RIGI: variants seen among roughly 807,000 people sequenced by gnomAD.
RIGI encodes the protein RNA sensor RIG-I, also known as antiviral innate immune response receptor RIG-I.
At chr9:32,525,386 A>T in the RIGI span, among the ~76,000 whole-genome samples, 1 of 152,142 alleles carries the variant, frequency 6.6e-6, no homozygotes, top group East Asian at 1.9e-4. Flanking sequence ...GGCCTCATCG[A>T]TATCTTTTAA....
At chr9:32,488,982 G>A in the RIGI span, 1 of 959,194 alleles carries the variant, frequency 1.0e-6, no homozygotes, top group Non-Finnish European at 1.5e-6. Context: ...ATACCACTGA[G>A]CTGACTAATT....
At chr9:32,489,318 T>C in the RIGI span, 96 of 1,518,070 alleles carry the variant, frequency 6.3e-5, no homozygotes, top group Middle Eastern at 1.8e-4. Flanking sequence ...ACAGAAAAAC[T>C]ATGTAAGTAA....
the RIGI span, chr9:32,485,609 C>T: frequency 2.2e-5 from 9 of 405,068 alleles, no homozygotes; most frequent in African/African-American, 4.4e-5. Flanking sequence ...GGCGCGATCT[C>T]GGCTCACTGC....
the RIGI span, among the ~76,000 whole-genome samples, chr9:32,499,662 T>C: frequency 6.6e-6 from 1 of 152,018 alleles, no homozygotes; most frequent in African/African-American, 2.4e-5. Context: ...TGCCAAGTTG[T>C]CCAGGCTGTT....
chr9:32,517,345 AAGGT>A, the RIGI span, among the ~76,000 whole-genome samples: 3 of 152,362 alleles, frequency 2.0e-5, no homozygotes, highest in East Asian at 5.8e-4. Flanking sequence ...CTAGAGTTCC[AAGGT>A]AAAAGCTGTT....
At chr9:32,485,258 C>T in the RIGI span, 17 of 1,599,796 alleles carry the variant, frequency 1.1e-5, no homozygotes, top group South Asian at 1.0e-4. Flanking sequence ...GTCGCTAATC[C>T]GTGATTCCAC....
chr9:32,457,483 TAA>T, the RIGI span: 4,141 of 793,134 alleles, frequency 5.2e-3, no homozygotes, highest in South Asian at 8.7e-3. Flanking sequence ...AATTGTGATT[TAA>T]AAAAAAAAAA....
the RIGI span, among the ~76,000 whole-genome samples, chr9:32,499,790 T>A: frequency 6.6e-6 from 1 of 151,088 alleles, no homozygotes; most frequent in East Asian, 2.0e-4. Flanking sequence ...GGTCTCCCTA[T>A]GTTGCCCAGG....
the RIGI span, chr9:32,485,129 G>T: frequency 1.5e-6 from 2 of 1,340,362 alleles, no homozygotes; most frequent in Admixed American, 4.2e-5. Flanking sequence ...AACAATAAAT[G>T]GCTATTCCCC....
chr9:32,496,980 G>A, the RIGI span, among the ~76,000 whole-genome samples: 46 of 152,244 alleles, frequency 3.0e-4, no homozygotes, highest in East Asian at 8.3e-3. Context: ...GAAATTAGGA[G>A]AGGTGAGGCC....
chr9:32,455,500 A>G, the RIGI span, among the ~76,000 whole-genome samples: 2 of 152,200 alleles, frequency 1.3e-5, no homozygotes, highest in Non-Finnish European at 2.9e-5. Context: ...CACTATCCCA[A>G]GAACAGCATG....
chr9:32,477,177 T>A, the RIGI span: 1 of 1,603,286 alleles, frequency 6.2e-7, no homozygotes, highest in East Asian at 2.2e-5. Context: ...ATTCTAAAAA[T>A]TTAGAACACA....
the RIGI span, among the ~76,000 whole-genome samples, chr9:32,493,000 ATATAT>A: frequency 1.5e-4 from 23 of 152,330 alleles, no homozygotes; most frequent in African/African-American, 5.3e-4. Flanking sequence ...AGTACTTTAC[ATATAT>A]TATCTCATTA....
chr9:32,495,281 A>C, the RIGI span, among the ~76,000 whole-genome samples: 1 of 152,122 alleles, frequency 6.6e-6, no homozygotes, highest in Non-Finnish European at 1.5e-5. Context: ...GGCTCACTGC[A>C]AACTCTGCCT....
chr9:32,519,243 A>G, the RIGI span, among the ~76,000 whole-genome samples: 1 of 152,110 alleles, frequency 6.6e-6, no homozygotes, highest in African/African-American at 2.4e-5. Context: ...ATATATACAT[A>G]TTAATAAAAC....
chr9:32,506,393 CTG>C, the RIGI span, among the ~76,000 whole-genome samples: 2 of 152,170 alleles, frequency 1.3e-5, no homozygotes, highest in Non-Finnish European at 2.9e-5. Context: ...CTTTGCAAAA[CTG>C]AGAGACAAAA....
At chr9:32,499,316 G>GTTTTTTATTTT in the RIGI span, among the ~76,000 whole-genome samples, 1 of 57,634 alleles carries the variant, frequency 1.7e-5, no homozygotes. Context: ...TTTGTGATTT[G>GTTTTTTATTTT]TTTTTTTTTT....
chr9:32,516,192 A>C, the RIGI span, among the ~76,000 whole-genome samples: 1 of 152,172 alleles, frequency 6.6e-6, no homozygotes, highest in East Asian at 1.9e-4. Context: ...CTCATTCATC[A>C]TGATTGCTTC....
chr9:32,457,050 A>T, the RIGI span: 1 of 1,166,588 alleles, frequency 8.6e-7, no homozygotes, highest in Non-Finnish European at 1.3e-6. Context: ...ATCCATGATT[A>T]TACCCACTAT....
Sources: allele counts gnomAD v4.1 joint callset (sites outside exome capture counted in the v4.1 genomes callset), GRCh38; gene constraint gnomAD v4.1.1; transcripts MANE v1.5; gene names NCBI Gene and HGNC (gene_info 2026-07-23, HGNC 2026-07-21).